Variants in VPS8 observed in about 807,000 individuals in gnomAD.
The protein encoded by VPS8 is vacuolar protein sorting-associated protein 8 homolog.
Under a neutral mutation model 216.4 loss-of-function variants are expected in VPS8, and 129 were observed. That is an observed-to-expected ratio of 0.60 (90% CI 0.52 to 0.69). The LOEUF is 0.69. VPS8 is among the 30% of genes least tolerant of loss of function. The probability of loss-of-function intolerance (pLI) is 0.00; values close to 1 mark genes in which losing one functional copy is unlikely to be tolerated. For synonymous variants in VPS8, 571 were observed against 565.4 expected, an observed-to-expected ratio of 1.01 and a Z score of -0.14; for missense variants, 1,531 against 1,683.5, an observed-to-expected ratio of 0.91 and a Z score of 1.59.
At chr3:184,942,147 A>G (rs1742815947) in intron 36 of VPS8, among the ~76,000 whole-genome samples, 1 of 151,958 alleles carries the variant, frequency 6.6e-6, no homozygotes, top group Admixed American at 6.5e-5. Context: ...GTCACTATTT[A>G]AAATAAATAT....
chr3:184,839,548 C>T (rs958159300), intron 6 of VPS8, 150 bp from the exon 7 acceptor site: 9 of 676,750 alleles, frequency 1.3e-5, no homozygotes, highest in Non-Finnish European at 1.9e-5. Flanking sequence ...TTTCATTTCC[C>T]GTTTTGCCTC....
chr3:185,036,186 C>T (rs1758849145), intron 46 of VPS8, among the ~76,000 whole-genome samples: 2 of 152,140 alleles, frequency 1.3e-5, no homozygotes, highest in African/African-American at 4.8e-5. Context: ...GGCCATGCTG[C>T]CCAAAGCAAT....
intron 45 of VPS8, among the ~76,000 whole-genome samples, chr3:185,022,682 A>G (rs1441815878): frequency 6.6e-6 from 1 of 152,178 alleles, no homozygotes; most frequent in African/African-American, 2.4e-5. Context: ...GGTAATTTAT[A>G]GTCTCCTTTT....
chr3:184,929,735 G>T, intron 33 of VPS8, 71 bp downstream of exon 33: 1 of 914,292 alleles, frequency 1.1e-6, no homozygotes, highest in South Asian at 2.0e-5. Flanking sequence ...AATAACTGTT[G>T]AGTAGAAATA....
intron 22 of VPS8, among the ~76,000 whole-genome samples, chr3:184,893,852 T>C (rs1241264769): frequency 6.6e-6 from 1 of 152,210 alleles, no homozygotes; most frequent in Non-Finnish European, 1.5e-5. Context: ...ATATTCTGAT[T>C]TTTCAGCATA....
intron 46 of VPS8, among the ~76,000 whole-genome samples, chr3:185,035,560 C>T (rs1002199078): frequency 2.0e-5 from 3 of 152,074 alleles, no homozygotes; most frequent in African/African-American, 7.2e-5. Flanking sequence ...ATCCAACATC[C>T]CTTCATGATA....
At position 184,886,122 on chromosome 3, in the gene VPS8, G is replaced by A. The variant is rs61742617; in HGVS notation, c.1747G>A (p.Val583Ile). The part of the protein sequence containing the change: ...MEQHFQDMVP[V>I]IVDYCLLLQR... ...GGTTCCTCTACAGGATATGGTGCCTGTCATAGTTGATTACTGCCTTCTGCT... is the reference window on the plus strand; with the variant it reads ...GGTTCCTCTACAGGATATGGTGCCTATCATAGTTGATTACTGCCTTCTGCT... Residue 583 changes from valine (V) to isoleucine (I), a missense_variant, in exon 22 of 48, where the codon GTC becomes ATC. Around this residue, in one of 3 missense-constraint regions of VPS8, gnomAD observed 1,318 missense variants for 1,468.4 expected, o/e 0.90. Transcript: ENST00000625842. 3.7e-3 allele frequency: 5,904 copies of A among 1,609,504 alleles called. 16 individuals carry two copies. The highest frequency in any genetic ancestry group is 5.3e-3 in the Middle Eastern group (32 of 6,056).
intron 21 of VPS8, among the ~76,000 whole-genome samples, chr3:184,873,166 T>C (rs1728659223): frequency 6.6e-6 from 1 of 152,128 alleles, no homozygotes; most frequent in East Asian, 1.9e-4. Flanking sequence ...TCATTTTTAA[T>C]CCCCATTTTA....
chr3:184,999,887 G>A (rs1395668268), intron 45 of VPS8, 26 bp downstream of exon 45: 17 of 1,586,288 alleles, frequency 1.1e-5, no homozygotes, highest in Non-Finnish European at 1.5e-5. Flanking sequence ...GTGGCAAAAT[G>A]GAAATGGTCT....
intron 46 of VPS8, among the ~76,000 whole-genome samples, chr3:185,039,515 A>G (rs746663415): frequency 6.6e-6 from 1 of 151,536 alleles, no homozygotes; most frequent in African/African-American, 2.4e-5. Flanking sequence ...AGCCAACGCT[A>G]TGACACTGTG....
Position 184,869,104 on chromosome 3 carries a change from C to G in VPS8, c.1597+68C>G. 10 of 1,421,496 alleles carry G rather than the reference C, an allele frequency of 7.0e-6. 1 individual carries two copies. The South Asian group carries it at 1.2e-4, about 18-fold the overall frequency. 88.1% of individuals were successfully genotyped at this position (1,421,496 alleles called of 1,614,324 possible). A position where few individuals can be genotyped will look rare whatever the true frequency, so the allele number is the denominator to read the frequency against. On this transcript the variant is annotated intron_variant, in intron 19 of 47. Coordinates refer to ENST00000625842, the MANE Select transcript of VPS8 (RefSeq NM_001009921.3). The stretch of plus-strand genomic sequence containing the variant: ...GAGTAGAGGGAATGGTTAGTACTAA[C>G]CACTCATAGGACACTTTTAGCTGAG...
At chr3:184,861,471 G>C (rs1396395290) in intron 15 of VPS8, among the ~76,000 whole-genome samples, 1 of 152,144 alleles carries the variant, frequency 6.6e-6, no homozygotes, top group Non-Finnish European at 1.5e-5. Flanking sequence ...CAGTTGTTTA[G>C]AAATAATTCT....
chr3:185,018,090 C>G (rs905135024), intron 45 of VPS8, among the ~76,000 whole-genome samples: 1 of 152,184 alleles, frequency 6.6e-6, no homozygotes, highest in African/African-American at 2.4e-5. Context: ...CTGCCATTGC[C>G]TGTGCTAGCA....
At chr3:184,823,009 A>G (rs1717940134) in intron 1 of VPS8, among the ~76,000 whole-genome samples, 1 of 152,202 alleles carries the variant, frequency 6.6e-6, no homozygotes, top group South Asian at 2.1e-4. Context: ...ATAGCTAGAA[A>G]AGTTGGTTTC....
intron 25 of VPS8, among the ~76,000 whole-genome samples, chr3:184,902,121 C>CTTTTTTTTTTTTT (rs1560596472): frequency 6.7e-6 from 1 of 148,566 alleles, no homozygotes; most frequent in Non-Finnish European, 1.5e-5. Flanking sequence ...GCCCCCCCCC[C>CTTTTTTTTTTTTT]CTTTTTTTTT....
chr3:184,843,272 G>T (rs1722524235), intron 8 of VPS8, 27 bp downstream of exon 8: 1 of 1,394,862 alleles, frequency 7.2e-7, no homozygotes, highest in South Asian at 1.6e-5. Context: ...TAGTTTGCAT[G>T]AATGGTTTCT....
At chr3:184,958,467 A>G (rs1470032260) in intron 37 of VPS8, among the ~76,000 whole-genome samples, 1 of 152,192 alleles carries the variant, frequency 6.6e-6, no homozygotes, top group African/African-American at 2.4e-5. Context: ...AGAATATTTC[A>G]AGATTTGTGT....
At chr3:184,840,775 GT>G (rs1353345721) in intron 7 of VPS8, among the ~76,000 whole-genome samples, 1 of 151,884 alleles carries the variant, frequency 6.6e-6, no homozygotes, top group Non-Finnish European at 1.5e-5. Flanking sequence ...CATTTTTAGT[GT>G]TCTCTTCTGG....
At chr3:184,932,741 T>TA (rs1740903222) in intron 34 of VPS8, among the ~76,000 whole-genome samples, 1 of 152,258 alleles carries the variant, frequency 6.6e-6, no homozygotes, top group South Asian at 2.1e-4. Flanking sequence ...TTTATTTTCT[T>TA]ATTTTTGCCC....
Sources: gnomAD v4.1 joint callset for allele counts (sites outside exome capture counted in the v4.1 genomes callset) on GRCh38, gnomAD v4.1.1 for gene constraint, gnomAD v4.1.1 regional missense constraint, MANE v1.5 for transcripts, NCBI Gene and HGNC (gene_info 2026-07-23, HGNC 2026-07-21) for gene names.